Variants in ROCK1 observed in about 807,000 individuals in gnomAD.
ROCK1 encodes rho-associated protein kinase 1.
A neutral mutation model predicts 196.8 loss-of-function variants in ROCK1; 36 were observed. The ratio of observed to expected loss-of-function variants is 0.18; its 90% CI spans 0.14 to 0.24. ROCK1 has a LOEUF of 0.24. Ranked by LOEUF, ROCK1 falls within the 10% of genes least tolerant of loss-of-function variation. The pLI is 1.00. For synonymous variants in ROCK1, 443 were observed against 515.9 expected, an observed-to-expected ratio of 0.86 and a Z score of 1.91; for missense variants, 920 against 1,562.0, an observed-to-expected ratio of 0.59 and a Z score of 6.93.
Position 21,110,955 on chromosome 18 carries a change from G to A in ROCK1, c.-45C>T, listed in dbSNP as rs754199858. ...TGCCCTCTTACCAGCACCAGCAGCG[G>A]AAAGCAATTTCAACCAACTTCCTCC... On this transcript the variant is annotated 5_prime_UTR_variant, in exon 1 of 33. Transcript: ENST00000399799. The A allele has an allele frequency of 3.9e-6, 6 of 1,528,602 alleles. No individual in the cohort carries two copies. Among genetic ancestry groups the A allele is most frequent in the Non-Finnish European group, 5.4e-6 (6 of 1,103,782 alleles). 94.7% of individuals were successfully genotyped at this position (1,528,602 alleles called of 1,614,324 possible). A position where few individuals can be genotyped will look rare whatever the true frequency, so the allele number is the denominator to read the frequency against.
chr18:21,068,149 A>G (rs1185770813), intron 2 of ROCK1, among the ~76,000 whole-genome samples: 3 of 152,206 alleles, frequency 2.0e-5, no homozygotes, highest in African/African-American at 7.2e-5. Flanking sequence ...TTGCCTAAGG[A>G]AAGTGGCAAA....
In ROCK1 at chr18:21,111,018, C is replaced by A. The variant is rs544469080; in HGVS notation, c.-108G>T. On this transcript the variant is annotated 5_prime_UTR_variant, in exon 1 of 33. Coordinates refer to ENST00000399799, the MANE Select transcript of ROCK1 (RefSeq NM_005406.3). This position sits in a 1 kb window ranked among gnomAD's most constrained non-coding sequence, Gnocchi z 4.2. Reference sequence around the variant, plus strand: ...CAGCCGCGGGGCGGAGGAGCCGGAACCTCAGGGTCACCAGGTGCGCCCGGT... The same window carrying A: ...CAGCCGCGGGGCGGAGGAGCCGGAAACTCAGGGTCACCAGGTGCGCCCGGT... The A allele has an allele frequency of 5.8e-6, 5 of 862,580 alleles. No individual in the cohort carries two copies. Among genetic ancestry groups the A allele is most frequent in the Non-Finnish European group, 9.4e-6 (5 of 529,458 alleles). 53.4% of individuals were successfully genotyped at this position (862,580 alleles called of 1,614,324 possible). A position where few individuals can be genotyped will look rare whatever the true frequency, so the allele number is the denominator to read the frequency against.
chr18:21,001,775 AAAG>A (rs1012149130), intron 16 of ROCK1, among the ~76,000 whole-genome samples: 2 of 152,024 alleles, frequency 1.3e-5, no homozygotes, highest in African/African-American at 4.8e-5. Context: ...AAAAAAAAAA[AAAG>A]AAAAGAAATA....
intron 1 of ROCK1, among the ~76,000 whole-genome samples, chr18:21,076,770 C>A (rs2036435710): frequency 6.6e-6 from 1 of 151,962 alleles, no homozygotes; most frequent in African/African-American, 2.4e-5. Context: ...AAGCTCCAAG[C>A]TCTCCTTCAC....
At chr18:21,023,255 G>A (rs2035929344) in intron 11 of ROCK1, among the ~76,000 whole-genome samples, 1 of 152,086 alleles carries the variant, frequency 6.6e-6, no homozygotes, top group Non-Finnish European at 1.5e-5. Flanking sequence ...TTCATGTTAC[G>A]TATATTTGCC....
At chr18:21,075,429 T>C (rs760332328) in intron 1 of ROCK1, among the ~76,000 whole-genome samples, 3 of 152,182 alleles carry the variant, frequency 2.0e-5, no homozygotes, top group Non-Finnish European at 4.4e-5. Flanking sequence ...ATGATAAATA[T>C]TTCAGACACA....
chr18:21,098,550 CAA>C (rs2036630688), intron 1 of ROCK1, among the ~76,000 whole-genome samples: 1 of 147,056 alleles, frequency 6.8e-6, no homozygotes, highest in African/African-American at 2.6e-5. Context: ...TTTGAAGCAA[CAA>C]AAGATTGATA....
At chr18:20,991,396 T>A in intron 17 of ROCK1, 70 bp from the exon 18 acceptor site, 2 of 1,035,920 alleles carry the variant, frequency 1.9e-6, no homozygotes, top group Non-Finnish European at 2.7e-6. Flanking sequence ...ATCTTACATT[T>A]AATATTCTGG....
At chr18:21,058,864 C>T (rs1259894158) in intron 2 of ROCK1, among the ~76,000 whole-genome samples, 1 of 152,090 alleles carries the variant, frequency 6.6e-6, no homozygotes, top group African/African-American at 2.4e-5. Context: ...CAGATGTGAG[C>T]CACTGCAACC....
chr18:20,953,618 A>G lies in ROCK1; in HGVS notation c.4021T>C (p.Ser1341Pro), dbSNP rs762824905. The stretch of plus-strand genomic sequence containing the variant: ...GTATTTTTGACCACTTTCCGGAAAG[A>G]CTGATTTGCAGTGGATCTTGTAGAA... ...TLSTRSTANQ[S>P]FRKVVKNTSG... Residue 1341 changes from serine to proline, a missense_variant, in exon 32 of 33, where the codon TCT becomes CCT. Ser to Pro is a moderately conservative substitution (Grantham distance 74). Around this residue, in one of 6 missense-constraint regions of ROCK1, gnomAD observed 49 missense variants for 180.4 expected, o/e 0.27. Coordinates refer to ENST00000399799, the MANE Select transcript of ROCK1 (RefSeq NM_005406.3). 3.7e-6 allele frequency: 6 copies of G among 1,606,530 alleles called. No homozygotes were observed. The highest frequency in any genetic ancestry group is 5.1e-6 in the Non-Finnish European group (6 of 1,178,382).
At chr18:21,071,863 T>C (rs2036388667) in intron 1 of ROCK1, among the ~76,000 whole-genome samples, 1 of 152,236 alleles carries the variant, frequency 6.6e-6, no homozygotes, top group Non-Finnish European at 1.5e-5. Flanking sequence ...GTTTTCTTTT[T>C]TGTAAAATGA....
chr18:21,083,327 A>AAATGTAATC (rs2036497786), intron 1 of ROCK1, among the ~76,000 whole-genome samples: 1 of 152,158 alleles, frequency 6.6e-6, no homozygotes, highest in Non-Finnish European at 1.5e-5. Context: ...AGAAAACCTC[A>AAATGTAATC]TCCTAAAATT....
At chr18:20,975,033 G>C (rs141443527) in intron 22 of ROCK1, among the ~76,000 whole-genome samples, 6 of 152,184 alleles carry the variant, frequency 3.9e-5, no homozygotes, top group African/African-American at 1.2e-4. Context: ...GTAGGTGCTA[G>C]ACATACAGCA....
intron 1 of ROCK1, among the ~76,000 whole-genome samples, chr18:21,077,785 G>C (rs1034631987): frequency 6.6e-6 from 1 of 152,102 alleles, no homozygotes; most frequent in Non-Finnish European, 1.5e-5. Context: ...AGTGGTAAAG[G>C]AGTACCCCAG....
intron 9 of ROCK1, among the ~76,000 whole-genome samples, chr18:21,033,281 A>AC (rs931032663): frequency 6.6e-6 from 1 of 152,172 alleles, no homozygotes; most frequent in Non-Finnish European, 1.5e-5. Context: ...CAAACACAAC[A>AC]CCCCTTCATG....
rs1434782951 is a variant in ROCK1 at position 20,949,333 on chromosome 18, G to C, written c.*2051C>G. 2.6e-5 allele frequency: 4 copies of C among 152,126 alleles called. No homozygotes were observed. Among genetic ancestry groups the C allele is most frequent in the Admixed American group, 1.3e-4 (2 of 15,274 alleles). 9.4% of individuals were successfully genotyped at this position (152,126 alleles called of 1,614,324 possible). A position where few individuals can be genotyped will look rare whatever the true frequency, so the allele number is the denominator to read the frequency against. On this transcript the variant is annotated 3_prime_UTR_variant, in exon 33 of 33. Transcript: ENST00000399799. ...TTTCATGGATCCTGACAAAAGAGAT[G>C]AGACCCCTGGGTCAGAGTCAGATGA... is the stretch of plus-strand genomic sequence containing the variant.
At chr18:21,095,861 C>G (rs1340686418) in intron 1 of ROCK1, among the ~76,000 whole-genome samples, 2 of 151,652 alleles carry the variant, frequency 1.3e-5, no homozygotes, top group African/African-American at 2.4e-5. Context: ...GATTGTAACA[C>G]AAAGGATAAA....
chr18:21,045,916 T>C (rs1418301671), intron 4 of ROCK1, among the ~76,000 whole-genome samples: 2 of 136,534 alleles, frequency 1.5e-5, no homozygotes, highest in African/African-American at 5.4e-5. Context: ...TTTTTTTTTT[T>C]TTTTTTTTTT....
In ROCK1 at chr18:21,037,397, C is replaced by T. The variant is rs552444875; in HGVS notation, c.1051+2075G>A. The stretch of plus-strand genomic sequence containing the variant: ...TTTGTATTAGAAAGCAATTTTGCCA[C>T]GGAAAATGGAAACCCAAAAAAATTA... On this transcript the variant is annotated intron_variant, in intron 9 of 32. Transcript: ENST00000399799. Among the ~76,000 whole-genome samples the T allele has an allele frequency of 1.5e-4, 23 of 151,746 alleles. No individual in the cohort carries two copies. In the South Asian group the frequency reaches 3.5e-3, roughly 23 times the overall value.
Sources: allele counts gnomAD v4.1 joint callset (sites outside exome capture counted in the v4.1 genomes callset), GRCh38; gene constraint gnomAD v4.1.1; regional missense constraint gnomAD v4.1.1; non-coding constraint Gnocchi (gnomAD v3.1); transcripts MANE v1.5; gene names NCBI Gene and HGNC (gene_info 2026-07-23, HGNC 2026-07-21).